ZNF274: variants seen among roughly 807,000 people sequenced by gnomAD.
The protein encoded by ZNF274 is neurotrophin receptor-interacting factor homolog.
In ZNF274, 23 loss-of-function variants were observed where a neutral mutation model predicts 42.5. That is an observed-to-expected ratio of 0.54 (90% CI 0.39 to 0.77). The LOEUF is 0.77. Ranked by LOEUF, ZNF274 falls within the 30% of genes least tolerant of loss-of-function variation. The probability of loss-of-function intolerance (pLI) is 0.00; values close to 1 mark genes in which losing one functional copy is unlikely to be tolerated. For synonymous variants in ZNF274, 292 were observed against 305.4 expected, an observed-to-expected ratio of 0.96 and a Z score of 0.46; for missense variants, 679 against 806.5, an observed-to-expected ratio of 0.84 and a Z score of 1.91.
intron 4 of ZNF274, among the ~76,000 whole-genome samples, chr19:58,199,745 G>T (rs1020571437): frequency 2.6e-5 from 4 of 152,176 alleles, no homozygotes; most frequent in Admixed American, 2.6e-4. Flanking sequence ...TTTACACCAG[G>T]AATATCAAAT....
chr19:58,183,897 C>A, intron 1 of ZNF274, 24 bp from the exon 2 acceptor site: 2 of 1,517,822 alleles, frequency 1.3e-6, no homozygotes, highest in East Asian at 2.4e-5. Context: ...CCTCTCCCTC[C>A]CCTCCCAACT....
chr19:58,188,635 A>ATG (rs2075733181), intron 4 of ZNF274, among the ~76,000 whole-genome samples: 1 of 136,680 alleles, frequency 7.3e-6, no homozygotes, highest in African/African-American at 2.7e-5. Context: ...ATATATATAT[A>ATG]TATATATATA....
intron 4 of ZNF274, among the ~76,000 whole-genome samples, chr19:58,196,100 A>G (rs1429177699): frequency 6.6e-6 from 1 of 152,206 alleles, no homozygotes; most frequent in Non-Finnish European, 1.5e-5. Flanking sequence ...AGCTCTCACT[A>G]ATGTCCCTTC....
Position 58,212,423 on chromosome 19 carries a change from A to C in ZNF274, c.1242A>C (p.Thr414=). 1 of 1,612,936 alleles carries C rather than the reference A, an allele frequency of 6.2e-7. No homozygotes were observed. The highest frequency in any genetic ancestry group is 8.5e-7 in the Non-Finnish European group (1 of 1,179,338). Residue 414 remains threonine, a synonymous_variant, in exon 8 of 8, where the codon ACA becomes ACC. Coordinates refer to ENST00000617501, the MANE Select transcript of ZNF274 (RefSeq NM_133502.3). The surrounding 1 kb of genome is among the most constrained non-coding windows in gnomAD (Gnocchi z 4.6). ...ESQANSGALD[T]NQVSLQKIDN... is the part of the protein sequence containing the mutation. ...AGGCAAACAGTGGTGCTCTTGACAC[A>C]AACCAAGTTTCGCTCCAGAAAATTG... is the stretch of plus-strand genomic sequence containing the variant.
chr19:58,211,661 G>A lies in ZNF274; in HGVS notation c.954G>A (p.Glu318=). ...CCGAGTACCGCGATGTGATGCTGGAGACCTTTGGGCACCTGGTCTCTGTGG... is the reference window on the plus strand; with the variant it reads ...CCGAGTACCGCGATGTGATGCTGGAAACCTTTGGGCACCTGGTCTCTGTGG... The part of the protein sequence containing the change: ...QRTEYRDVML[E]TFGHLVSVGW... Residue 318 remains glutamate, a synonymous_variant, in exon 7 of 8, where the codon GAG becomes GAA. Coordinates refer to ENST00000617501, the MANE Select transcript of ZNF274 (RefSeq NM_133502.3). This position sits in a 1 kb window ranked among gnomAD's most constrained non-coding sequence, Gnocchi z 4.8. The A allele has an allele frequency of 6.2e-7, 1 of 1,613,658 alleles. No homozygotes were observed.
In ZNF274 at chr19:58,207,262, G is replaced by A; in HGVS notation, c.739+60G>A. Reference sequence around the variant, plus strand: ...GAGGGTGTCTTGGAGTACCCTGTGGGGGAGATAAGAACTCCAGGCTTCCTA... The same window carrying A: ...GAGGGTGTCTTGGAGTACCCTGTGGAGGAGATAAGAACTCCAGGCTTCCTA... On this transcript the variant is annotated intron_variant, in intron 5 of 7. Transcript: ENST00000617501. This position sits in a 1 kb window ranked among gnomAD's most constrained non-coding sequence, Gnocchi z 5.6. 1.3e-6 allele frequency: 2 copies of A among 1,525,722 alleles called. No individual in the cohort carries two copies. Among genetic ancestry groups the A allele is most frequent in the Non-Finnish European group, 1.8e-6 (2 of 1,136,588 alleles). The allele number at this position is 1,525,722 out of a possible 1,614,324, so 94.5% of individuals were successfully genotyped here.
chr19:58,212,383 ACAACCGTGAGTCCCAGG>A lies in ZNF274; in HGVS notation c.1206_1222del (p.Asn402LysfsTer6). On this transcript the variant is annotated frameshift_variant, in exon 8 of 8. Coordinates refer to ENST00000617501, the MANE Select transcript of ZNF274 (RefSeq NM_133502.3). LOFTEE classifies it low-confidence loss of function (END_TRUNC). This position sits in a 1 kb window ranked among gnomAD's most constrained non-coding sequence, Gnocchi z 4.6. ...GACCTTCCTCAGAAGAAGCACTTTGACAACCGTGAGTCCCAGGCAAACAGTGGTGCTCTTGACACAAA... is the reference window on the plus strand; with the variant it reads ...GACCTTCCTCAGAAGAAGCACTTTGACAAACAGTGGTGCTCTTGACACAAA... The A allele has an allele frequency of 6.2e-7, 1 of 1,613,938 alleles. No individual in the cohort carries two copies. The highest frequency in any genetic ancestry group is 8.5e-7 in the Non-Finnish European group (1 of 1,179,860).
At chr19:58,192,588 T>A (rs2075790538) in intron 4 of ZNF274, among the ~76,000 whole-genome samples, 1 of 152,232 alleles carries the variant, frequency 6.6e-6, no homozygotes, top group Non-Finnish European at 1.5e-5. Context: ...TGTTTGCATA[T>A]GACTTACTCA....
In ZNF274 at chr19:58,212,042, A is replaced by T; in HGVS notation, c.980-119A>T. On this transcript the variant is annotated intron_variant, in intron 7 of 7. Coordinates refer to ENST00000617501, the MANE Select transcript of ZNF274 (RefSeq NM_133502.3). The surrounding 1 kb of genome is among the most constrained non-coding windows in gnomAD (Gnocchi z 4.6). ...TTTCAGTCTCTCTCCAGGTTGCATGACTCTATTTGGGAGAAAAAAAAAATC... is the reference window on the plus strand; with the variant it reads ...TTTCAGTCTCTCTCCAGGTTGCATGTCTCTATTTGGGAGAAAAAAAAAATC... 1 of 1,243,090 alleles carries T rather than the reference A, an allele frequency of 8.0e-7. No individual in the cohort carries two copies. Among genetic ancestry groups the T allele is most frequent in the South Asian group, 1.5e-5 (1 of 66,354 alleles). 77.0% of individuals were successfully genotyped at this position (1,243,090 alleles called of 1,614,324 possible).
Position 58,212,099 on chromosome 19 carries a change from C to G in ZNF274, c.980-62C>G, listed in dbSNP as rs370342513. On this transcript the variant is annotated intron_variant, in intron 7 of 7. Coordinates refer to ENST00000617501, the MANE Select transcript of ZNF274 (RefSeq NM_133502.3). The surrounding 1 kb of genome is among the most constrained non-coding windows in gnomAD (Gnocchi z 4.6). ...TTTGAACTTAATTATGCATTTCATG[C>G]TCTCAGACCCATCCCAGCACATCTC... 7.9e-6 allele frequency: 12 copies of G among 1,512,660 alleles called. No individual in the cohort carries two copies. In the South Asian group the frequency reaches 1.2e-4, roughly 15 times the overall value. The allele number at this position is 1,512,660 out of a possible 1,614,324, so 93.7% of individuals were successfully genotyped here.
chr19:58,200,640 G>A (rs1389013883), intron 4 of ZNF274, among the ~76,000 whole-genome samples: 1 of 152,166 alleles, frequency 6.6e-6, no homozygotes, highest in Admixed American at 6.5e-5. Context: ...CAGGCAGGAG[G>A]GTGGTGCACA....
Position 58,212,533 on chromosome 19 carries a change from G to T in ZNF274, c.1352G>T (p.Arg451Leu). ...LHKIPPRKRL[R>L]KRDSQVKSMK... ...AAAATTCCTCCTAGAAAACGATTGC[G>T]CAAACGTGACTCACAAGTTAAAAGT... The change falls in exon 8 of 8, where the codon CGC becomes CTC. Residue 451 changes from arginine to leucine, a missense_variant. Transcript: ENST00000617501. This position sits in a 1 kb window ranked among gnomAD's most constrained non-coding sequence, Gnocchi z 4.6. 6.2e-7 allele frequency: 1 copy of T among 1,613,936 alleles called. No individual in the cohort carries two copies. Among genetic ancestry groups the T allele is most frequent in the Admixed American group, 1.7e-5 (1 of 60,012 alleles).
At chr19:58,199,009 T>C (rs1319269437) in intron 4 of ZNF274, among the ~76,000 whole-genome samples, 1 of 151,868 alleles carries the variant, frequency 6.6e-6, no homozygotes, top group Non-Finnish European at 1.5e-5. Context: ...ATTCCTGGTC[T>C]CTACAAAAAA....
chr19:58,193,146 T>C (rs1299547739), intron 4 of ZNF274, among the ~76,000 whole-genome samples: 1 of 151,584 alleles, frequency 6.6e-6, no homozygotes, highest in Non-Finnish European at 1.5e-5. Flanking sequence ...GTCACTATCT[T>C]TTTTCTTTTT....
Position 58,185,769 on chromosome 19 carries a change from C to T in ZNF274, c.91C>T (p.Leu31=). 2 of 1,459,934 alleles carry T rather than the reference C, an allele frequency of 1.4e-6. No individual in the cohort carries two copies. The highest frequency in any genetic ancestry group is 1.8e-6 in the Non-Finnish European group (2 of 1,098,822). 90.4% of individuals were successfully genotyped at this position (1,459,934 alleles called of 1,614,324 possible). ...TTTTACCCCGGAAGAGTGGGGACTG[C>T]TGGACCTCAAACAGAAGTCCCTGTA... The part of the protein sequence containing the change: ...LGFTPEEWGL[L]DLKQKSLYRE... Residue 31 remains leucine, a synonymous_variant, in exon 3 of 8, where the codon CTG becomes TTG. Coordinates refer to ENST00000617501, the MANE Select transcript of ZNF274 (RefSeq NM_133502.3).
intron 4 of ZNF274, among the ~76,000 whole-genome samples, chr19:58,199,741 C>G (rs7248493): frequency 0.19 from 28,462 of 152,140 alleles, 2,812 homozygotes; most frequent in Non-Finnish European, 0.21. Flanking sequence ...TTGGTTTACA[C>G]CAGGAATATC....
intron 2 of ZNF274, 73 bp downstream of exon 2, chr19:58,184,071 A>G (rs2075665645): frequency 1.3e-6 from 2 of 1,512,366 alleles, no homozygotes; most frequent in Non-Finnish European, 9.0e-7. Context: ...GTGAGATACC[A>G]CCTTCCCTGA....
chr19:58,186,409 G>T (rs910057575), intron 3 of ZNF274, among the ~76,000 whole-genome samples: 1 of 150,968 alleles, frequency 6.6e-6, no homozygotes, highest in African/African-American at 2.4e-5. Flanking sequence ...AAAATTAGCC[G>T]AGCACCCCAG....
intron 4 of ZNF274, among the ~76,000 whole-genome samples, chr19:58,194,764 T>G (rs977377782): frequency 2.0e-5 from 3 of 152,126 alleles, no homozygotes; most frequent in African/African-American, 7.2e-5. Flanking sequence ...TGCCAGCACT[T>G]TGGGAGGCCA....
Sources: gnomAD v4.1 joint callset for allele counts (sites outside exome capture counted in the v4.1 genomes callset) on GRCh38, gnomAD v4.1.1 for gene constraint, Gnocchi (gnomAD v3.1) non-coding constraint, MANE v1.5 for transcripts, NCBI Gene and HGNC (gene_info 2026-07-23, HGNC 2026-07-21) for gene names.